Variants in EPHA4 observed in about 807,000 individuals in gnomAD.
EPHA4 encodes the protein EPH receptor A4, also known as ephrin type-A receptor 4.
In EPHA4, 19 loss-of-function variants were observed where a neutral mutation model predicts 108.3. That is an observed-to-expected ratio of 0.18 (90% CI 0.12 to 0.26). EPHA4 has a LOEUF of 0.26. Ranked by LOEUF, EPHA4 falls within the 10% of genes least tolerant of loss-of-function variation. The pLI is 1.00. For synonymous variants in EPHA4, 449 were observed against 455.5 expected (o/e 0.99, Z 0.18); for missense variants, 917 against 1,254.0 (o/e 0.73, Z 4.06).
At chr2:221,457,111 C>T (rs781298823) in intron 6 of EPHA4, among the ~76,000 whole-genome samples, 3 of 152,122 alleles carry the variant, frequency 2.0e-5, no homozygotes, top group East Asian at 3.9e-4. Context: ...GTGAGAAGGT[C>T]CCTTATCTTT....
intron 3 of EPHA4, among the ~76,000 whole-genome samples, chr2:221,538,590 C>T (rs925341093): frequency 4.6e-5 from 7 of 152,224 alleles, no homozygotes; most frequent in African/African-American, 1.4e-4. Context: ...AACTTATTTT[C>T]TTGGCATTTG....
chr2:221,571,632 G>A lies in EPHA4; in HGVS notation c.91+526C>T, dbSNP rs371869640. On this transcript the variant is annotated intron_variant, in intron 1 of 17. Coordinates refer to ENST00000281821, the MANE Select transcript of EPHA4 (RefSeq NM_004438.5). This position sits in a 1 kb window ranked among gnomAD's most constrained non-coding sequence, Gnocchi z 6.3. ...AGAAATCAGGTCACTGGCGCCTGAC[G>A]AGCGGCGCCACGACCGCTGCGCTGC... Among the ~76,000 whole-genome samples the A allele has an allele frequency of 6.6e-6, 1 of 152,148 alleles. No individual in the cohort carries two copies. The highest frequency in any genetic ancestry group is 1.9e-4 in the East Asian group (1 of 5,160).
At position 221,443,382 on chromosome 2, in the gene EPHA4, T is replaced by G. The variant is rs374780850; in HGVS notation, c.1888+111A>C. On this transcript the variant is annotated intron_variant, in intron 10 of 17. Transcript: ENST00000281821. ...TTTATACTCAAAAAAGGAAATTTCA[T>G]GTATATACACACATATAATATACTC... 4.1e-4 allele frequency: 293 copies of G among 719,112 alleles called. 3 individuals are homozygous for G. The South Asian group carries it at 5.0e-3, about 12-fold the overall frequency. The allele number at this position is 719,112 out of a possible 1,614,324, so 44.5% of individuals were successfully genotyped here.
intron 5 of EPHA4, among the ~76,000 whole-genome samples, chr2:221,469,716 T>G (rs749281380): frequency 3.8e-4 from 58 of 152,142 alleles, no homozygotes; most frequent in Non-Finnish European, 6.2e-4. Context: ...CTGAGACCAA[T>G]TCCATTAACA....
intron 6 of EPHA4, 35 bp downstream of exon 6, chr2:221,457,831 A>C: frequency 1.2e-6 from 2 of 1,602,908 alleles, no homozygotes; most frequent in Non-Finnish European, 1.7e-6. Flanking sequence ...GAAGGAAGGA[A>C]GAAAGGAAAG....
chr2:221,534,030 T>C (rs1355678281), intron 3 of EPHA4, among the ~76,000 whole-genome samples: 2 of 152,202 alleles, frequency 1.3e-5, no homozygotes. Flanking sequence ...AGAACAGCCC[T>C]AGGTAATTAT....
Position 221,472,397 on chromosome 2 carries a change from G to A in EPHA4, c.1318+9955C>T, listed in dbSNP as rs556623843. On this transcript the variant is annotated intron_variant, in intron 5 of 17. Coordinates refer to ENST00000281821, the MANE Select transcript of EPHA4 (RefSeq NM_004438.5). ...AACACAAATTCTCCAGGGAGCCGTT[G>A]TAAGCTACCCCCTTTTCAGTGTTTG... Among the ~76,000 whole-genome samples the A allele has an allele frequency of 6.6e-5, 10 of 151,400 alleles. No homozygotes were observed. In the East Asian group the frequency reaches 1.8e-3, roughly 27 times the overall value.
intron 5 of EPHA4, among the ~76,000 whole-genome samples, chr2:221,472,404 A>T (rs78576369): frequency 0.013 from 1,952 of 151,884 alleles, 17 homozygotes; most frequent in Non-Finnish European, 0.022. Flanking sequence ...GTTGTAAGCT[A>T]CCCCCTTTTC....
At chr2:221,454,598 G>C (rs7582245) in intron 8 of EPHA4, among the ~76,000 whole-genome samples, 7 of 152,304 alleles carry the variant, frequency 4.6e-5, no homozygotes, top group Admixed American at 1.3e-4. Context: ...TGAAACAGTT[G>C]ATGGTATATG....
chr2:221,557,647 G>A (rs1252987522), intron 3 of EPHA4, among the ~76,000 whole-genome samples: 2 of 152,048 alleles, frequency 1.3e-5, no homozygotes, highest in African/African-American at 4.8e-5. Context: ...GTGCTGCAGA[G>A]AATTTTGAAG....
At position 221,486,479 on chromosome 2, in the gene EPHA4, C is replaced by T. The variant is rs1465135376; in HGVS notation, c.980-3789G>A. Among the ~76,000 whole-genome samples the T allele has an allele frequency of 2.6e-5, 4 of 152,004 alleles. No individual in the cohort carries two copies. The East Asian group carries it at 7.8e-4, about 29-fold the overall frequency. On this transcript the variant is annotated intron_variant, in intron 4 of 17. Transcript: ENST00000281821. ...GGCACAGTGGCTCACGCCTATAATC[C>T]CAGCACTTTGGGAGGCCAAAGTGGA...
chr2:221,541,563 C>T (rs563697921), intron 3 of EPHA4, among the ~76,000 whole-genome samples: 1 of 152,206 alleles, frequency 6.6e-6, no homozygotes, highest in South Asian at 2.1e-4. Flanking sequence ...AGTTTGTGGG[C>T]CAATAAAGTG....
At position 221,444,744 on chromosome 2, in the gene EPHA4, C is replaced by CTTTTTTTTTTTT. The variant is rs71266317; in HGVS notation, c.1775-1150_1775-1139dup. ...TCCCAGTCCCTCTCTTTTTTTCTATCTTTTTTTTTTTTTTTTTTTTTTTTT... is the reference window on the plus strand; with the variant it reads ...TCCCAGTCCCTCTCTTTTTTTCTATCTTTTTTTTTTTTTTTTTTTTTTTTTTTTTTTTTTTTT... On this transcript the variant is annotated intron_variant, in intron 9 of 17. Transcript: ENST00000281821. Among the ~76,000 whole-genome samples the CTTTTTTTTTTTT allele has an allele frequency of 2.5e-4, 19 of 74,990 alleles. 1 individual carries two copies. Among genetic ancestry groups the CTTTTTTTTTTTT allele is most frequent in the Non-Finnish European group, 4.1e-4 (17 of 41,516 alleles). 49.2% of individuals were successfully genotyped at this position (74,990 alleles called of 152,430 possible).
rs7565834 is a variant in EPHA4, at chr2:221,550,418, G to A, written c.823+13313C>T. Among the ~76,000 whole-genome samples, 999 of 135,454 alleles carry A rather than the reference G, an allele frequency of 7.4e-3. 5 individuals are homozygous for A. Among genetic ancestry groups the A allele is most frequent in the East Asian group, 0.012 (52 of 4,336 alleles). The allele number at this position is 135,454 out of a possible 152,430, so 88.9% of individuals were successfully genotyped here. On this transcript the variant is annotated intron_variant, in intron 3 of 17. Transcript: ENST00000281821. ...AGTACCAAAACCTGATGAGGAAAGGGGAGAGAGAGAGAGAGAGAGAGAGAG... is the reference window on the plus strand; with the variant it reads ...AGTACCAAAACCTGATGAGGAAAGGAGAGAGAGAGAGAGAGAGAGAGAGAG...
chr2:221,546,159 G>C (rs530045201), intron 3 of EPHA4, among the ~76,000 whole-genome samples: 1 of 152,152 alleles, frequency 6.6e-6, no homozygotes. Context: ...GATATATCCA[G>C]GCATTCAAGC....
At chr2:221,502,260 A>G (rs1692509276) in intron 3 of EPHA4, among the ~76,000 whole-genome samples, 2 of 152,162 alleles carry the variant, frequency 1.3e-5, no homozygotes, top group African/African-American at 4.8e-5. Context: ...AACCCCAGAT[A>G]AAAATTGACC....
chr2:221,430,255 C>G (rs1690033168), intron 14 of EPHA4, 104 bp from the exon 15 acceptor site: 4 of 1,212,974 alleles, frequency 3.3e-6, no homozygotes, highest in Middle Eastern at 2.9e-4. Context: ...TGCCAGCAAG[C>G]TGGAGCCTGG....
At chr2:221,489,065 A>G (rs1692062069) in intron 4 of EPHA4, among the ~76,000 whole-genome samples, 1 of 152,222 alleles carries the variant, frequency 6.6e-6, no homozygotes, top group African/African-American at 2.4e-5. Context: ...GTCAGCCAAC[A>G]CTAAACCTAA....
rs757231773 is a variant in EPHA4, at chr2:221,498,790, CT to C, written c.979+2226del. On this transcript the variant is annotated intron_variant, in intron 4 of 17. Coordinates refer to ENST00000281821, the MANE Select transcript of EPHA4 (RefSeq NM_004438.5). Reference sequence around the variant, plus strand: ...CACCAGTCCTGGCTATTTTTTTTTTCTTTTTTTTTTTTTTTTTGAGACGACA... The same window carrying C: ...CACCAGTCCTGGCTATTTTTTTTTTCTTTTTTTTTTTTTTTTGAGACGACA... Among the ~76,000 whole-genome samples the C allele has an allele frequency of 2.6e-3, 349 of 135,646 alleles. 3 individuals carry two copies. Among genetic ancestry groups the C allele is most frequent in the African/African-American group, 7.5e-3 (263 of 35,214 alleles). The allele number at this position is 135,646 out of a possible 152,430, so 89.0% of individuals were successfully genotyped here.
Sources: gnomAD v4.1 joint callset for allele counts (sites outside exome capture counted in the v4.1 genomes callset) on GRCh38, gnomAD v4.1.1 for gene constraint, Gnocchi (gnomAD v3.1) non-coding constraint, MANE v1.5 for transcripts, NCBI Gene and HGNC (gene_info 2026-07-23, HGNC 2026-07-21) for gene names.